ATXN1: variants seen among roughly 807,000 people sequenced by gnomAD.
ATXN1 encodes ataxin-1.
Under a neutral mutation model 56.4 loss-of-function variants are expected in ATXN1, and 8 were observed. The observed-to-expected ratio is 0.14, with a 90% CI of 0.08 to 0.26. The LOEUF is 0.26. Ranked by LOEUF, ATXN1 falls within the 10% of genes least tolerant of loss-of-function variation. The probability of loss-of-function intolerance (pLI) is 1.00; values close to 1 mark genes in which losing one functional copy is unlikely to be tolerated. For missense variants in ATXN1, 987 were observed against 1,106.5 expected, an observed-to-expected ratio of 0.89 and a Z score of 1.53; for synonymous variants, 514 against 494.6, an observed-to-expected ratio of 1.04 and a Z score of -0.52.
intron 6 of ATXN1, among the ~76,000 whole-genome samples, chr6:16,477,547 C>A (rs939144813): frequency 6.6e-6 from 1 of 152,280 alleles, no homozygotes; most frequent in South Asian, 2.1e-4. Context: ...GGCTTTCAGG[C>A]CAGACCTGTC....
At chr6:16,676,076 G>C (rs759601059) in intron 2 of ATXN1, among the ~76,000 whole-genome samples, 8 of 152,122 alleles carry the variant, frequency 5.3e-5, no homozygotes, top group Non-Finnish European at 1.0e-4. Flanking sequence ...CATGAAGCCT[G>C]TGTCTCTAAT....
At chr6:16,548,938 A>G (rs1267390403) in intron 4 of ATXN1, among the ~76,000 whole-genome samples, 1 of 152,154 alleles carries the variant, frequency 6.6e-6, no homozygotes, top group Non-Finnish European at 1.5e-5. Context: ...AAATAAATAC[A>G]TAAATAGCAA....
chr6:16,402,217 C>T (rs1758588054), intron 6 of ATXN1, among the ~76,000 whole-genome samples: 1 of 129,716 alleles, frequency 7.7e-6, no homozygotes, highest in African/African-American at 3.0e-5. Flanking sequence ...CTGGAAAAAA[C>T]AAGACTTCTC....
At chr6:16,679,830 G>T (rs1313480348) in intron 2 of ATXN1, among the ~76,000 whole-genome samples, 7 of 152,164 alleles carry the variant, frequency 4.6e-5, no homozygotes, top group Non-Finnish European at 1.0e-4. Flanking sequence ...TCATTCTGTT[G>T]TAATAGTAAG....
At chr6:16,622,889 G>A (rs1763343237) in intron 3 of ATXN1, among the ~76,000 whole-genome samples, 1 of 151,930 alleles carries the variant, frequency 6.6e-6, no homozygotes, top group Non-Finnish European at 1.5e-5. Context: ...GTCTCAGGGT[G>A]AAATTCCACT....
At chr6:16,663,024 G>A (rs1459659076) in intron 2 of ATXN1, among the ~76,000 whole-genome samples, 1 of 142,424 alleles carries the variant, frequency 7.0e-6, no homozygotes, top group African/African-American at 2.7e-5. Flanking sequence ...CCAGGCTGTA[G>A]TGCAATGGTG....
At chr6:16,597,719 G>A (rs1325836843) in intron 3 of ATXN1, among the ~76,000 whole-genome samples, 1 of 152,184 alleles carries the variant, frequency 6.6e-6, no homozygotes, top group Non-Finnish European at 1.5e-5. Flanking sequence ...GGATTTGCAG[G>A]CGTGAGCCAC....
chr6:16,362,819 C>T (rs1761838905), intron 6 of ATXN1, among the ~76,000 whole-genome samples: 1 of 152,174 alleles, frequency 6.6e-6, no homozygotes, highest in Non-Finnish European at 1.5e-5. Flanking sequence ...ACTCATGTCG[C>T]AAACCTTTAT....
chr6:16,591,241 G>C (rs1339123559), intron 3 of ATXN1, among the ~76,000 whole-genome samples: 1 of 152,168 alleles, frequency 6.6e-6, no homozygotes, highest in Non-Finnish European at 1.5e-5. Context: ...ACAGGTGTGA[G>C]CCACAGTGCC....
chr6:16,415,255 G>C (rs1238890329), intron 6 of ATXN1, among the ~76,000 whole-genome samples: 1 of 152,058 alleles, frequency 6.6e-6, no homozygotes, highest in Non-Finnish European at 1.5e-5. Context: ...TTTGAGACAG[G>C]GTCTCACTCT....
intron 2 of ATXN1, among the ~76,000 whole-genome samples, chr6:16,706,723 C>CAA (rs773199840): frequency 1.9e-4 from 4 of 20,580 alleles, no homozygotes; most frequent in African/African-American, 3.8e-4. Context: ...GACTCCATCT[C>CAA]AAAAAAAAAA....
chr6:16,736,364 T>C (rs1033594577), intron 2 of ATXN1, among the ~76,000 whole-genome samples: 9 of 152,230 alleles, frequency 5.9e-5, no homozygotes, highest in East Asian at 3.8e-4. Context: ...CCCTTCAGTG[T>C]ATTTATTGGG....
At chr6:16,615,043 T>C (rs1187374807) in intron 3 of ATXN1, 2 of 150,550 alleles carry the variant, frequency 1.3e-5, no homozygotes, top group Non-Finnish European at 1.5e-5. Context: ...AAAATTATTA[T>C]AGACAAACTT....
chr6:16,561,565 G>A (rs762033065), intron 4 of ATXN1, among the ~76,000 whole-genome samples: 6 of 152,144 alleles, frequency 3.9e-5, no homozygotes, highest in Non-Finnish European at 7.3e-5. Flanking sequence ...ACTGTCTCAT[G>A]AGTACATAGT....
intron 2 of ATXN1, among the ~76,000 whole-genome samples, chr6:16,703,123 C>T (rs1274624052): frequency 1.3e-5 from 2 of 152,098 alleles, no homozygotes; most frequent in Admixed American, 6.5e-5. Flanking sequence ...AAATGTGGCA[C>T]ATACACACCA....
intron 2 of ATXN1, among the ~76,000 whole-genome samples, chr6:16,748,664 G>A (rs1328367644): frequency 6.6e-6 from 1 of 152,110 alleles, no homozygotes; most frequent in Non-Finnish European, 1.5e-5. Context: ...GGCATAATGC[G>A]TCTCATACAT....
At chr6:16,310,051 G>A (rs757173167) in intron 7 of ATXN1, among the ~76,000 whole-genome samples, 39 of 146,370 alleles carry the variant, frequency 2.7e-4, no homozygotes, top group Non-Finnish European at 5.4e-4. Flanking sequence ...TAGACTGGGC[G>A]ACAATAGAGA....
chr6:16,361,199 T>G (rs1252563636), intron 6 of ATXN1, among the ~76,000 whole-genome samples: 1 of 152,142 alleles, frequency 6.6e-6, no homozygotes, highest in Non-Finnish European at 1.5e-5. Flanking sequence ...TATAGAGACA[T>G]TAAATTCATA....
rs1231980368 is a variant in ATXN1 at position 16,418,523 on chromosome 6, A to T, written c.-161+67449T>A. ...AAGCAGGGAGCATTCATGAGATCTG[A>T]ACAGTCTGACCATGCAATACTCCTT... On this transcript the variant is annotated intron_variant, in intron 6 of 7. Coordinates refer to ENST00000436367, the MANE Select transcript of ATXN1 (RefSeq NM_001128164.2). Among the ~76,000 whole-genome samples, 5 of 152,328 alleles carry T rather than the reference A, an allele frequency of 3.3e-5. No homozygotes were observed. In the East Asian group the frequency reaches 9.6e-4, roughly 29 times the overall value.
Sources: gnomAD v4.1 joint callset for allele counts (sites outside exome capture counted in the v4.1 genomes callset) on GRCh38, gnomAD v4.1.1 for gene constraint, MANE v1.5 for transcripts, NCBI Gene and HGNC (gene_info 2026-07-23, HGNC 2026-07-21) for gene names.